Variants in NRF1 observed in about 807,000 individuals in gnomAD.
The protein encoded by NRF1 is alpha palindromic-binding protein.
Under a neutral mutation model 58.5 loss-of-function variants are expected in NRF1, and 5 were observed. The ratio of observed to expected loss-of-function variants is 0.09; its 90% CI spans 0.04 to 0.18. The LOEUF is 0.18. Among genes scored for constraint, NRF1 ranks in the 10% least tolerant of loss-of-function variants. The pLI, the probability that NRF1 is intolerant of heterozygous loss-of-function variation, is 1.00. For synonymous variants in NRF1, 224 were observed against 246.7 expected (o/e 0.91, Z 0.86); for missense variants, 288 against 657.7 (o/e 0.44, Z 6.15).
intron 10 of NRF1, among the ~76,000 whole-genome samples, chr7:129,736,025 C>T (rs918275263): frequency 1.3e-5 from 2 of 151,892 alleles, no homozygotes; most frequent in Admixed American, 6.6e-5. Flanking sequence ...AAATAAAATA[C>T]AAAATAAAAA....
intron 1 of NRF1, among the ~76,000 whole-genome samples, chr7:129,626,954 CAT>C (rs1562952674): frequency 1.3e-5 from 2 of 152,204 alleles, no homozygotes; most frequent in African/African-American, 4.8e-5. Context: ...AGACTAGAGA[CAT>C]AGGTGAAGTG....
At chr7:129,749,573 G>C (rs1194679012) in intron 10 of NRF1, among the ~76,000 whole-genome samples, 1 of 152,156 alleles carries the variant, frequency 6.6e-6, no homozygotes, top group African/African-American at 2.4e-5. Context: ...AAGTTTCTGA[G>C]TCACCTTTGA....
At chr7:129,738,897 C>G (rs1009433198) in intron 10 of NRF1, among the ~76,000 whole-genome samples, 1 of 152,314 alleles carries the variant, frequency 6.6e-6, no homozygotes, top group Middle Eastern at 3.4e-3. Flanking sequence ...CCCCTTCACT[C>G]CCTCTTGCCA....
rs370799461 is a variant in NRF1 at position 129,667,625 on chromosome 7, T to C, written c.224-3804T>C. Among the ~76,000 whole-genome samples the C allele has an allele frequency of 9.9e-5, 15 of 152,024 alleles. No homozygotes were observed. In the East Asian group the frequency reaches 2.5e-3, roughly 25 times the overall value. On this transcript the variant is annotated intron_variant, in intron 2 of 10. Coordinates refer to ENST00000393232, the MANE Select transcript of NRF1 (RefSeq NM_005011.5). Reference sequence around the variant, plus strand: ...TGTGAAATTTATTAATCTTTTACCTTATAGTTTATCCTTTCGGGATCTTGT... The same window carrying C: ...TGTGAAATTTATTAATCTTTTACCTCATAGTTTATCCTTTCGGGATCTTGT...
chr7:129,717,432 G>A, intron 9 of NRF1, 56 bp downstream of exon 9: 1 of 1,534,072 alleles, frequency 6.5e-7, no homozygotes, highest in South Asian at 1.3e-5. Context: ...CTGCAGATAT[G>A]GGTGGAGGCC....
chr7:129,674,206 A>G (rs1361409843), intron 3 of NRF1, among the ~76,000 whole-genome samples: 2 of 152,160 alleles, frequency 1.3e-5, no homozygotes, highest in Non-Finnish European at 2.9e-5. Context: ...AAGAATAATT[A>G]TTTATATCAC....
In NRF1 at chr7:129,747,060, A is replaced by T. The variant is rs1005919854; in HGVS notation, c.1349-7958A>T. The stretch of plus-strand genomic sequence containing the variant: ...TGGGGTGAGGGGAGGAGGGCCAGCT[A>T]TGGTGCTGGATAACTTCAACAGCCC... On this transcript the variant is annotated intron_variant, in intron 10 of 10. Transcript: ENST00000393232. 7.9e-5 allele frequency among the ~76,000 whole-genome samples: 12 copies of T among 152,274 alleles called. No homozygotes were observed. The East Asian group carries it at 2.1e-3, about 27-fold the overall frequency.
intron 5 of NRF1, among the ~76,000 whole-genome samples, chr7:129,697,423 C>T (rs982789895): frequency 1.3e-5 from 2 of 151,836 alleles, no homozygotes; most frequent in South Asian, 2.1e-4. Flanking sequence ...TGGCACATGC[C>T]TGTAGTCCCA....
chr7:129,680,579 T>G (rs545408881), intron 4 of NRF1, among the ~76,000 whole-genome samples: 2 of 152,190 alleles, frequency 1.3e-5, no homozygotes, highest in African/African-American at 4.8e-5. Flanking sequence ...AAATAAAATG[T>G]GGCATATCCA....
At chr7:129,734,572 G>T (rs1364053332) in intron 10 of NRF1, among the ~76,000 whole-genome samples, 2 of 152,318 alleles carry the variant, frequency 1.3e-5, no homozygotes, top group South Asian at 2.1e-4. Context: ...GGTTCATGCT[G>T]CTGAGTGCCC....
intron 1 of NRF1, among the ~76,000 whole-genome samples, chr7:129,618,487 G>GT (rs947136380): frequency 1.3e-5 from 2 of 152,182 alleles, no homozygotes; most frequent in African/African-American, 4.8e-5. Context: ...TTAAGGCCAG[G>GT]AGTTCAAAAC....
At chr7:129,625,985 T>C (rs1800911043) in intron 1 of NRF1, among the ~76,000 whole-genome samples, 2 of 151,992 alleles carry the variant, frequency 1.3e-5, no homozygotes, top group African/African-American at 2.4e-5. Flanking sequence ...CCCAGCCCCA[T>C]GTTTTAATTT....
intron 2 of NRF1, among the ~76,000 whole-genome samples, chr7:129,659,270 G>A (rs1459417890): frequency 6.6e-6 from 1 of 151,822 alleles, no homozygotes; most frequent in Non-Finnish European, 1.5e-5. Flanking sequence ...GTAGAGATGG[G>A]GTTTCACCCT....
intron 10 of NRF1, among the ~76,000 whole-genome samples, chr7:129,750,232 A>T (rs1342177417): frequency 6.6e-6 from 1 of 152,242 alleles, no homozygotes; most frequent in African/African-American, 2.4e-5. Flanking sequence ...AGCTTGGATT[A>T]ACATGCGCCT....
Position 129,735,998 on chromosome 7 carries a change from G to A in NRF1, c.1348+8633G>A, listed in dbSNP as rs184553817. On this transcript the variant is annotated intron_variant, in intron 10 of 10. Transcript: ENST00000393232. The stretch of plus-strand genomic sequence containing the variant: ...AGCCTGGGTGACAGAGCGAGACTCC[G>A]TCTCAAAAAAATAAATAAATAAAAT... Among the ~76,000 whole-genome samples, 743 of 152,008 alleles carry A rather than the reference G, an allele frequency of 4.9e-3. 9 individuals are homozygous for A. The highest frequency in any genetic ancestry group is 7.4e-3 in the Non-Finnish European group (503 of 67,982).
At chr7:129,747,675 A>C (rs1265434827) in intron 10 of NRF1, among the ~76,000 whole-genome samples, 2 of 152,268 alleles carry the variant, frequency 1.3e-5, no homozygotes, top group Non-Finnish European at 2.9e-5. Flanking sequence ...CTCACAAGCC[A>C]TTAAACAGCA....
At chr7:129,646,947 C>T (rs949173310) in intron 1 of NRF1, among the ~76,000 whole-genome samples, 18 of 152,194 alleles carry the variant, frequency 1.2e-4, no homozygotes, top group African/African-American at 4.3e-4. Context: ...TGATTACCCA[C>T]AATCATTTAT....
chr7:129,673,869 G>T (rs997271249), intron 3 of NRF1, among the ~76,000 whole-genome samples: 12 of 152,014 alleles, frequency 7.9e-5, no homozygotes, highest in Non-Finnish European at 8.8e-5. Flanking sequence ...GCTGGGCATG[G>T]TGGCTCATGC....
intron 10 of NRF1, among the ~76,000 whole-genome samples, chr7:129,738,078 G>T (rs1051992515): frequency 6.6e-6 from 1 of 152,222 alleles, no homozygotes; most frequent in African/African-American, 2.4e-5. Context: ...AGAGTGCCTT[G>T]AGAGAAAATG....
Sources: allele counts gnomAD v4.1 joint callset (sites outside exome capture counted in the v4.1 genomes callset), GRCh38; gene constraint gnomAD v4.1.1; transcripts MANE v1.5; gene names NCBI Gene and HGNC (gene_info 2026-07-23, HGNC 2026-07-21).